Variants in NXPH2 observed in about 807,000 individuals in gnomAD.
NXPH2 encodes neurexophilin 2, also known as neurexophilin-2.
A neutral mutation model predicts 19.8 loss-of-function variants in NXPH2; 5 were observed. The observed-to-expected ratio is 0.25, with a 90% CI of 0.13 to 0.53. The LOEUF (loss-of-function observed/expected upper bound fraction) is 0.53. NXPH2 is among the 20% of genes least tolerant of loss of function. The pLI is 0.96. For missense variants in NXPH2, 289 were observed against 322.8 expected (o/e 0.90, Z 0.80); for synonymous variants, 154 against 127.4 (o/e 1.21, Z -1.41).
intron 1 of NXPH2, among the ~76,000 whole-genome samples, chr2:138,706,435 C>T (rs1022123717): frequency 1.3e-5 from 2 of 152,112 alleles, no homozygotes; most frequent in East Asian, 1.9e-4. Context: ...CCCAAGTATC[C>T]CGAATGCACA....
At chr2:138,731,044 C>A (rs1681440357) in intron 1 of NXPH2, among the ~76,000 whole-genome samples, 1 of 152,176 alleles carries the variant, frequency 6.6e-6, no homozygotes, top group African/African-American at 2.4e-5. Flanking sequence ...TTTCCCCTTT[C>A]ATTGTCTTAC....
chr2:138,675,093 T>C (rs1680466497), intron 1 of NXPH2, among the ~76,000 whole-genome samples: 2 of 152,224 alleles, frequency 1.3e-5, no homozygotes, highest in Non-Finnish European at 2.9e-5. Flanking sequence ...CTTACCTTTA[T>C]ATATCATAAT....
At chr2:138,734,010 C>G (rs558353761) in intron 1 of NXPH2, among the ~76,000 whole-genome samples, 2 of 152,110 alleles carry the variant, frequency 1.3e-5, no homozygotes, top group Non-Finnish European at 2.9e-5. Context: ...TTTGGGAGGC[C>G]AAGGCAGGTG....
intron 1 of NXPH2, among the ~76,000 whole-genome samples, chr2:138,752,189 G>C (rs1681838560): frequency 6.6e-6 from 1 of 152,062 alleles, no homozygotes; most frequent in Non-Finnish European, 1.5e-5. Context: ...ACTAGGCCCA[G>C]GATTCTGACA....
intron 1 of NXPH2, among the ~76,000 whole-genome samples, chr2:138,745,912 TAA>T (rs917340194): frequency 2.0e-5 from 3 of 152,202 alleles, no homozygotes; most frequent in Non-Finnish European, 4.4e-5. Flanking sequence ...ACAAAATAAT[TAA>T]AGAGTCATAA....
At chr2:138,777,736 T>C (rs989233146) in intron 1 of NXPH2, among the ~76,000 whole-genome samples, 1 of 151,198 alleles carries the variant, frequency 6.6e-6, no homozygotes, top group African/African-American at 2.4e-5. Flanking sequence ...ATTTAATATT[T>C]TTTATAAGTA....
chr2:138,776,298 T>A (rs978695261), intron 1 of NXPH2, among the ~76,000 whole-genome samples: 1 of 151,894 alleles, frequency 6.6e-6, no homozygotes, highest in African/African-American at 2.4e-5. Context: ...TCAAAAACCA[T>A]AAAAAAGAAA....
At chr2:138,719,841 G>A (rs577881105) in intron 1 of NXPH2, among the ~76,000 whole-genome samples, 1 of 152,026 alleles carries the variant, frequency 6.6e-6, no homozygotes, top group South Asian at 2.1e-4. Context: ...TTTTCATATT[G>A]TAACATCCCA....
chr2:138,675,981 GTGTA>G (rs1034562339), intron 1 of NXPH2, among the ~76,000 whole-genome samples: 1 of 124,142 alleles, frequency 8.1e-6, no homozygotes, highest in Admixed American at 8.3e-5. Flanking sequence ...GTGTGTGTGT[GTGTA>G]TAAATCTATA....
At chr2:138,707,581 A>G (rs1024564276) in intron 1 of NXPH2, among the ~76,000 whole-genome samples, 19 of 152,166 alleles carry the variant, frequency 1.2e-4, no homozygotes, top group African/African-American at 4.3e-4. Context: ...TCCTCTCACT[A>G]AATACCACAG....
chr2:138,737,172 C>G (rs1429515351), intron 1 of NXPH2, among the ~76,000 whole-genome samples: 6 of 152,192 alleles, frequency 3.9e-5, no homozygotes, highest in African/African-American at 9.7e-5. Flanking sequence ...GCATCCTACT[C>G]CTGGTACCAA....
chr2:138,720,576 G>T (rs1681264353), intron 1 of NXPH2, among the ~76,000 whole-genome samples: 1 of 152,194 alleles, frequency 6.6e-6, no homozygotes, highest in African/African-American at 2.4e-5. Context: ...GGTCACTGAG[G>T]CACTGCAGCT....
At chr2:138,717,491 C>T (rs552923089) in intron 1 of NXPH2, among the ~76,000 whole-genome samples, 8 of 151,618 alleles carry the variant, frequency 5.3e-5, no homozygotes, top group African/African-American at 1.9e-4. Context: ...CAAATGGTGC[C>T]TTCTTGCTCT....
intron 1 of NXPH2, among the ~76,000 whole-genome samples, chr2:138,725,546 A>T (rs944518240): frequency 6.6e-6 from 1 of 152,212 alleles, no homozygotes; most frequent in Non-Finnish European, 1.5e-5. Flanking sequence ...TCATGGTTTC[A>T]TGAATGAAAC....
chr2:138,699,805 A>C (rs1162291681), intron 1 of NXPH2, among the ~76,000 whole-genome samples: 1 of 152,226 alleles, frequency 6.6e-6, no homozygotes, highest in Admixed American at 6.5e-5. Context: ...AAACACGTTC[A>C]TGCGTATTTT....
intron 1 of NXPH2, among the ~76,000 whole-genome samples, chr2:138,696,767 T>C (rs1415293585): frequency 1.3e-5 from 2 of 152,170 alleles, no homozygotes; most frequent in African/African-American, 2.4e-5. Context: ...CCAAGAGAAA[T>C]GAGTACATAT....
At chr2:138,761,843 A>G (rs1236412122) in intron 1 of NXPH2, among the ~76,000 whole-genome samples, 1 of 152,224 alleles carries the variant, frequency 6.6e-6, no homozygotes, top group African/African-American at 2.4e-5. Flanking sequence ...AAAGCTAACC[A>G]TTTAAAGTAC....
At chr2:138,690,938 A>G (rs1027671678) in intron 1 of NXPH2, among the ~76,000 whole-genome samples, 2 of 152,230 alleles carry the variant, frequency 1.3e-5, no homozygotes, top group Non-Finnish European at 2.9e-5. Flanking sequence ...GGGTGGCCAA[A>G]GAAGACCATC....
At chr2:138,710,968 C>T (rs1421213968) in intron 1 of NXPH2, among the ~76,000 whole-genome samples, 1 of 152,126 alleles carries the variant, frequency 6.6e-6, no homozygotes. Context: ...GGTTCACAGT[C>T]ATCTTGCTGC....
Sources: gnomAD v4.1 joint callset for allele counts (sites outside exome capture counted in the v4.1 genomes callset) on GRCh38, gnomAD v4.1.1 for gene constraint, MANE v1.5 for transcripts, NCBI Gene and HGNC (gene_info 2026-07-23, HGNC 2026-07-21) for gene names.